Variants in AR observed in about 807,000 individuals in gnomAD.
The protein encoded by AR is dihydrotestosterone receptor.
A neutral mutation model predicts 53.9 loss-of-function variants in AR; 8 were observed. The observed-to-expected ratio is 0.15, with a 90% CI of 0.09 to 0.27. The LOEUF (loss-of-function observed/expected upper bound fraction) is 0.27, where lower values mean the gene tolerates loss of function less well. Ranked by LOEUF, AR falls within the 10% of genes least tolerant of loss-of-function variation. The pLI, the probability that AR is intolerant of heterozygous loss-of-function variation, is 1.00. For synonymous variants in AR, 359 were observed against 316.4 expected, an observed-to-expected ratio of 1.13 and a Z score of -1.43; for missense variants, 639 against 742.5, an observed-to-expected ratio of 0.86 and a Z score of 1.62.
intron 1 of AR, among the ~76,000 whole-genome samples, chrX:67,550,594 A>G (rs958875024): frequency 2.8e-5 from 3 of 108,825 alleles, no homozygotes; most frequent in Non-Finnish European, 5.7e-5. Context: ...CAGAATGCGG[A>G]CTGGGTGTGG....
chrX:67,562,725 G>A (rs1921386027), intron 1 of AR, among the ~76,000 whole-genome samples: 1 of 111,301 alleles, frequency 9.0e-6, no homozygotes, highest in Non-Finnish European at 1.9e-5. Context: ...CTAAAGAAAT[G>A]TACAAGCAGC....
intron 3 of AR, among the ~76,000 whole-genome samples, chrX:67,704,084 T>C (rs1156949025): frequency 1.8e-5 from 2 of 111,968 alleles, no homozygotes; most frequent in Non-Finnish European, 3.8e-5. Context: ...TTTGCTATTG[T>C]GAATAGTGCC....
intron 3 of AR, chrX:67,695,954 C>G: frequency 1.3e-6 from 1 of 753,394 alleles, no homozygotes; most frequent in Non-Finnish European, 1.6e-6. Context: ...TCCAGACCAA[C>G]AAGAAGTTCC....
intron 1 of AR, among the ~76,000 whole-genome samples, chrX:67,556,672 C>T (rs1400804452): frequency 1.8e-5 from 2 of 111,668 alleles, no homozygotes; most frequent in East Asian, 5.7e-4. Flanking sequence ...AATAACTTCA[C>T]AGAGTGTAGG....
chrX:67,713,384 A>G (rs1358509334), intron 4 of AR, among the ~76,000 whole-genome samples: 1 of 111,377 alleles, frequency 9.0e-6, no homozygotes, highest in Non-Finnish European at 1.9e-5. Flanking sequence ...GAAAAATATA[A>G]AAAAGAAAAA....
chrX:67,593,146 T>G (rs1371870054), intron 1 of AR, among the ~76,000 whole-genome samples: 1 of 111,159 alleles, frequency 9.0e-6, no homozygotes, highest in Non-Finnish European at 1.9e-5. Context: ...TTAAATGGCA[T>G]AGTGTCTTAA....
chrX:67,695,987 T>C (rs1183773580), intron 3 of AR: 20 of 751,489 alleles, frequency 2.7e-5, no homozygotes, highest in Non-Finnish European at 3.1e-5. Flanking sequence ...GAAAGGCTAA[T>C]GAGGTTTATT....
At chrX:67,660,114 C>T (rs1208421854) in intron 2 of AR, among the ~76,000 whole-genome samples, 4 of 110,878 alleles carry the variant, frequency 3.6e-5, no homozygotes, top group Non-Finnish European at 7.6e-5. Context: ...CTGGATATTA[C>T]CCTTTGTCAG....
intron 1 of AR, among the ~76,000 whole-genome samples, chrX:67,594,188 C>A (rs1922975750): frequency 9.0e-6 from 1 of 111,724 alleles, no homozygotes; most frequent in Non-Finnish European, 1.9e-5. Flanking sequence ...GAAATGGGGT[C>A]TCACTATGTT....
intron 1 of AR, among the ~76,000 whole-genome samples, chrX:67,630,153 T>C (rs2147412443): frequency 9.0e-6 from 1 of 111,211 alleles, no homozygotes; most frequent in South Asian, 3.9e-4. Context: ...GTCTATTAGG[T>C]CTGCTTGGTG....
chrX:67,588,882 C>A (rs1035594450), intron 1 of AR, among the ~76,000 whole-genome samples: 6 of 112,049 alleles, frequency 5.4e-5, no homozygotes, highest in Non-Finnish European at 9.4e-5. Flanking sequence ...GCTTTTAGAG[C>A]AAGGACAATT....
intron 1 of AR, among the ~76,000 whole-genome samples, chrX:67,638,511 C>T (rs1302064295): frequency 7.2e-5 from 8 of 111,722 alleles, no homozygotes; most frequent in South Asian, 3.8e-4. Context: ...TTAATGATCA[C>T]GATTCTAACT....
chrX:67,680,331 C>T (rs913843451), intron 2 of AR, among the ~76,000 whole-genome samples: 4 of 111,827 alleles, frequency 3.6e-5, no homozygotes, highest in Non-Finnish European at 7.5e-5. Flanking sequence ...TCTTATTTTT[C>T]ACAAATATCT....
In AR at chrX:67,606,648, C is replaced by G. The variant is rs755800275; in HGVS notation, c.1617-36608C>G. ...TTTGCTATTCACCAAGTACTTCTTA[C>G]GTACACTGTGCATGAAATGATTATT... On this transcript the variant is annotated intron_variant, in intron 1 of 7. Transcript: ENST00000374690. Among the ~76,000 whole-genome samples the G allele has an allele frequency of 2.7e-5, 3 of 112,481 alleles. No individual in the cohort carries two copies. The East Asian group carries it at 8.4e-4, about 32-fold the overall frequency.
At chrX:67,553,812 G>T (rs1930084690) in intron 1 of AR, among the ~76,000 whole-genome samples, 2 of 112,050 alleles carry the variant, frequency 1.8e-5, no homozygotes, top group African/African-American at 6.5e-5. Context: ...ACTATAAATT[G>T]AACTGTCTTA....
intron 1 of AR, among the ~76,000 whole-genome samples, chrX:67,630,112 C>A (rs2147412348): frequency 9.0e-6 from 1 of 111,221 alleles, no homozygotes; most frequent in East Asian, 2.8e-4. Context: ...AATGTATATT[C>A]TGTTGATTTG....
chrX:67,681,183 G>T (rs753979789), intron 2 of AR, among the ~76,000 whole-genome samples: 2 of 111,698 alleles, frequency 1.8e-5, no homozygotes, highest in South Asian at 7.5e-4. Context: ...ATACAACTTT[G>T]CTGTTGGAAA....
At chrX:67,710,137 G>T (rs1273641214) in intron 3 of AR, among the ~76,000 whole-genome samples, 1 of 109,716 alleles carries the variant, frequency 9.1e-6, no homozygotes, top group African/African-American at 3.3e-5. Context: ...GAGAAGGAGA[G>T]ACTAAAATCC....
chrX:67,570,038 T>G (rs759932243), intron 1 of AR, among the ~76,000 whole-genome samples: 61 of 112,338 alleles, frequency 5.4e-4, no homozygotes, highest in African/African-American at 1.9e-3. Flanking sequence ...AATTGGCTTC[T>G]TATCTTTTTT....
Sources: gnomAD v4.1 joint callset for allele counts (sites outside exome capture counted in the v4.1 genomes callset) on GRCh38, gnomAD v4.1.1 for gene constraint, MANE v1.5 for transcripts, NCBI Gene and HGNC (gene_info 2026-07-23, HGNC 2026-07-21) for gene names.